M1AP: variants seen among roughly 807,000 people sequenced by gnomAD.
M1AP encodes meiosis 1 associated protein.
In M1AP, 39 loss-of-function variants were observed where a neutral mutation model predicts 51.2. The observed-to-expected ratio is 0.76, with a 90% confidence interval of 0.59 to 1.00. The LOEUF (loss-of-function observed/expected upper bound fraction) is 1.00, where lower values mean the gene tolerates loss of function less well. Ranked by LOEUF, M1AP falls within the 50% of genes least tolerant of loss-of-function variation. M1AP has a pLI of 0.00. For missense variants in M1AP, 545 were observed against 641.2 expected, an observed-to-expected ratio of 0.85 and a Z score of 1.62; for synonymous variants, 251 against 249.2, an observed-to-expected ratio of 1.01 and a Z score of -0.07.
At chr2:74,596,437 C>T (rs1023192334) in intron 4 of M1AP, among the ~76,000 whole-genome samples, 1 of 152,086 alleles carries the variant, frequency 6.6e-6, no homozygotes, top group Admixed American at 6.6e-5. Flanking sequence ...AAAAAATTTG[C>T]CGGGCGTGGT....
In M1AP at chr2:74,643,157, GA is replaced by G. The variant is rs557802327; in HGVS notation, c.-52-2831del. ...AATAATCATATATAACAGGATACATGAAAAAAAAGTCAGATCATAGCAGCCA... is the reference window on the plus strand; with the variant it reads ...AATAATCATATATAACAGGATACATGAAAAAAAGTCAGATCATAGCAGCCA... On this transcript the variant is annotated intron_variant, in intron 1 of 10. Transcript: ENST00000421985. Among the ~76,000 whole-genome samples the G allele has an allele frequency of 4.7e-3, 703 of 151,022 alleles. 6 individuals carry two copies. Among genetic ancestry groups the G allele is most frequent in the African/African-American group, 0.016 (672 of 41,188 alleles).
intron 4 of M1AP, among the ~76,000 whole-genome samples, chr2:74,592,408 T>G (rs1226437068): frequency 6.6e-6 from 1 of 152,226 alleles, no homozygotes; most frequent in Non-Finnish European, 1.5e-5. Context: ...AGGTTGAACA[T>G]ATTTTCACAT....
chr2:74,569,066 G>A (rs1678559022), intron 7 of M1AP, among the ~76,000 whole-genome samples: 2 of 152,184 alleles, frequency 1.3e-5, no homozygotes, highest in African/African-American at 2.4e-5. Context: ...AAATCCATAA[G>A]TGATCCAGGT....
At chr2:74,639,214 A>G (rs1683153637) in intron 2 of M1AP, among the ~76,000 whole-genome samples, 1 of 152,226 alleles carries the variant, frequency 6.6e-6, no homozygotes, top group African/African-American at 2.4e-5. Context: ...AATGAGGGAA[A>G]CTAAGGCATT....
intron 2 of M1AP, among the ~76,000 whole-genome samples, chr2:74,635,416 A>C (rs975954062): frequency 6.6e-6 from 1 of 151,892 alleles, no homozygotes; most frequent in African/African-American, 2.4e-5. Flanking sequence ...AATTTTATTG[A>C]TCTTTTCAAA....
chr2:74,601,404 T>C (rs1680667299), intron 4 of M1AP, among the ~76,000 whole-genome samples: 1 of 152,124 alleles, frequency 6.6e-6, no homozygotes, highest in Non-Finnish European at 1.5e-5. Flanking sequence ...ATATTACATG[T>C]ATATCAGTAT....
At chr2:74,598,246 G>C (rs1339415579) in intron 4 of M1AP, among the ~76,000 whole-genome samples, 1 of 152,100 alleles carries the variant, frequency 6.6e-6, no homozygotes, top group Non-Finnish European at 1.5e-5. Context: ...GCTGGGTGTG[G>C]TGGTGTGCAC....
At chr2:74,597,529 C>T (rs539002505) in intron 4 of M1AP, among the ~76,000 whole-genome samples, 19 of 150,752 alleles carry the variant, frequency 1.3e-4, no homozygotes, top group African/African-American at 4.4e-4. Flanking sequence ...GAATCTTTAT[C>T]TTCTATGTTT....
In M1AP at chr2:74,562,121, G is replaced by A. The variant is rs547295213; in HGVS notation, c.1281+96C>T. ...TCTCTTACCACACTCCTTCAGCTCC[G>A]CATCCATTCCCTCATGGGCTCACTC... On this transcript the variant is annotated intron_variant, in intron 8 of 10. Transcript: ENST00000421985. 25 of 1,496,638 alleles carry A rather than the reference G, an allele frequency of 1.7e-5. 1 individual carries two copies. The highest frequency in any genetic ancestry group is 1.4e-4 in the Admixed American group (6 of 42,742). The allele number at this position is 1,496,638 out of a possible 1,614,324, so 92.7% of individuals were successfully genotyped here. A position where few individuals can be genotyped will look rare whatever the true frequency, so the allele number is the denominator to read the frequency against.
At chr2:74,604,304 T>A (rs1390737954) in intron 4 of M1AP, among the ~76,000 whole-genome samples, 5 of 152,142 alleles carry the variant, frequency 3.3e-5, no homozygotes, top group African/African-American at 9.7e-5. Context: ...TTCCTCTGCT[T>A]AGCTAATTCC....
intron 4 of M1AP, among the ~76,000 whole-genome samples, chr2:74,601,196 G>A (rs374882040): frequency 1.6e-4 from 25 of 151,940 alleles, no homozygotes; most frequent in South Asian, 6.2e-4. Context: ...AGACTAAAAT[G>A]TAAAAACCCA....
At chr2:74,589,076 G>C (rs1255063450) in intron 4 of M1AP, among the ~76,000 whole-genome samples, 1 of 152,340 alleles carries the variant, frequency 6.6e-6, no homozygotes, top group East Asian at 1.9e-4. Flanking sequence ...ACGCGCGCGC[G>C]TGCATGCATG....
intron 4 of M1AP, among the ~76,000 whole-genome samples, chr2:74,596,616 C>A (rs1680355953): frequency 6.6e-6 from 1 of 151,992 alleles, no homozygotes. Flanking sequence ...ACAACAACAA[C>A]AAACAGTAAG....
chr2:74,614,945 A>C lies in M1AP; in HGVS notation c.426+19T>G, dbSNP rs1252645059. On this transcript the variant is annotated intron_variant, in intron 3 of 10. Transcript: ENST00000421985. ...AAATCGGAACACAGCTTGGAGTCCTAAAGGCCAGCATCACTTACCTCCAGG... is the reference window on the plus strand; with the variant it reads ...AAATCGGAACACAGCTTGGAGTCCTCAAGGCCAGCATCACTTACCTCCAGG... 3 of 1,611,278 alleles carry C rather than the reference A, an allele frequency of 1.9e-6. No homozygotes were observed. The East Asian group carries it at 6.7e-5, about 36-fold the overall frequency.
At chr2:74,593,221 G>C (rs1425583295) in intron 4 of M1AP, among the ~76,000 whole-genome samples, 1 of 152,144 alleles carries the variant, frequency 6.6e-6, no homozygotes, top group African/African-American at 2.4e-5. Flanking sequence ...TGGAGAACGT[G>C]AGCTTATTGA....
At chr2:74,598,120 A>G (rs955569112) in intron 4 of M1AP, among the ~76,000 whole-genome samples, 1 of 152,254 alleles carries the variant, frequency 6.6e-6, no homozygotes, top group Admixed American at 6.5e-5. Context: ...GCTGGCTCAC[A>G]CCTGTAATCC....
intron 2 of M1AP, chr2:74,628,358 T>C: frequency 2.6e-6 from 1 of 379,590 alleles, no homozygotes. Flanking sequence ...TGTTTCGTCT[T>C]AAAAACTGCT....
chr2:74,600,677 G>C (rs1411280607), intron 4 of M1AP, among the ~76,000 whole-genome samples: 2 of 152,158 alleles, frequency 1.3e-5, no homozygotes, highest in East Asian at 1.9e-4. Flanking sequence ...AAAGAGGAAA[G>C]AGGAACAAAA....
intron 2 of M1AP, among the ~76,000 whole-genome samples, chr2:74,626,036 C>A (rs1455676954): frequency 6.6e-6 from 1 of 152,208 alleles, no homozygotes; most frequent in Non-Finnish European, 1.5e-5. Context: ...CCAGGAACTG[C>A]AGACCAACTT....
Sources: gnomAD v4.1 joint callset for allele counts (sites outside exome capture counted in the v4.1 genomes callset) on GRCh38, gnomAD v4.1.1 for gene constraint, MANE v1.5 for transcripts, NCBI Gene and HGNC (gene_info 2026-07-23, HGNC 2026-07-21) for gene names.